PIK3R3: variants seen among roughly 807,000 people sequenced by gnomAD.
The protein encoded by PIK3R3 is phosphatidylinositol 3-kinase regulatory subunit gamma.
PIK3R3 carries 64 observed loss-of-function variants against 62.9 expected under a neutral mutation model. The ratio of observed to expected loss-of-function variants is 1.02; its 90% CI spans 0.83 to 1.25. The LOEUF (loss-of-function observed/expected upper bound fraction) is 1.25. PIK3R3 is among the 50% of genes most tolerant of loss of function. The pLI is 0.00. For missense variants in PIK3R3, 614 were observed against 561.6 expected, an observed-to-expected ratio of 1.09 and a Z score of -0.94; for synonymous variants, 165 against 189.0, an observed-to-expected ratio of 0.87 and a Z score of 1.04.
chr1:46,150,770 A>C, the PIK3R3 span, among the ~76,000 whole-genome samples: 1 of 147,534 alleles, frequency 6.8e-6, no homozygotes, highest in Non-Finnish European at 1.5e-5. Context: ...AAACATCTAG[A>C]TACTCTATTC....
rs1390559607 is a variant in PIK3R3, at chr1:46,040,318, T to A, written c.*3355A>T. 1 of 231,918 alleles carries A rather than the reference T, an allele frequency of 4.3e-6. No homozygotes were observed. Among genetic ancestry groups the A allele is most frequent in the Admixed American group, 5.6e-5 (1 of 17,736 alleles). 14.4% of individuals were successfully genotyped at this position (231,918 alleles called of 1,614,324 possible). ...CTGGTGACAAGAACAATTTGTAAAG[T>A]GGTCTAGCAACTACATTATGAACTG... On this transcript the variant is annotated 3_prime_UTR_variant, in exon 10 of 10. Transcript: ENST00000262741.
chr1:46,094,285 C>A (rs369471331), intron 1 of PIK3R3, among the ~76,000 whole-genome samples: 1 of 151,802 alleles, frequency 6.6e-6, no homozygotes, highest in African/African-American at 2.4e-5. Flanking sequence ...CTAAAATTCA[C>A]AAATCTATTT....
intron 1 of PIK3R3, among the ~76,000 whole-genome samples, chr1:46,113,222 T>C (rs1653889304): frequency 6.6e-6 from 1 of 151,978 alleles, no homozygotes; most frequent in African/African-American, 2.4e-5. Flanking sequence ...CCCCTAAATA[T>C]AGCCTTCGGG....
chr1:46,081,342 A>G (rs1461949871), intron 1 of PIK3R3, among the ~76,000 whole-genome samples: 4 of 152,186 alleles, frequency 2.6e-5, no homozygotes, highest in Non-Finnish European at 4.4e-5. Context: ...GTCCCGAGAC[A>G]GAGATTCCCT....
chr1:46,123,472 A>G (rs1423840896), intron 1 of PIK3R3, among the ~76,000 whole-genome samples: 1 of 152,242 alleles, frequency 6.6e-6, no homozygotes, highest in Non-Finnish European at 1.5e-5. Flanking sequence ...AAGACTATGT[A>G]TACCAAGTTT....
At chr1:46,171,728 G>A in the PIK3R3 span, among the ~76,000 whole-genome samples, 3 of 152,074 alleles carry the variant, frequency 2.0e-5, no homozygotes, top group African/African-American at 7.2e-5. Context: ...TGGGGTCTGG[G>A]GAACCTATTT....
At chr1:46,099,432 C>CT (rs999575083) in intron 1 of PIK3R3, among the ~76,000 whole-genome samples, 11 of 152,166 alleles carry the variant, frequency 7.2e-5, no homozygotes, top group Admixed American at 1.3e-4. Context: ...TCCACCACTG[C>CT]TTTTTACCCC....
At chr1:46,137,137 C>T (rs978812889), upstream of PIK3R3, among the ~76,000 whole-genome samples, 5 of 152,160 alleles carry the variant, frequency 3.3e-5, no homozygotes, top group Admixed American at 6.5e-5. Flanking sequence ...AGGATTAGAG[C>T]CCCATGTCCT....
At chr1:46,080,267 G>A (rs1650456542) in intron 2 of PIK3R3, among the ~76,000 whole-genome samples, 1 of 151,466 alleles carries the variant, frequency 6.6e-6, no homozygotes, top group African/African-American at 2.4e-5. Flanking sequence ...TCACTGTGTT[G>A]CCCAGGCTGG....
chr1:46,138,075 C>T, the PIK3R3 span, among the ~76,000 whole-genome samples: 2 of 152,152 alleles, frequency 1.3e-5, no homozygotes, highest in African/African-American at 4.8e-5. Flanking sequence ...TGCAAAATTC[C>T]AAGCAGTTTG....
chr1:46,083,667 G>T (rs745749651), intron 1 of PIK3R3, among the ~76,000 whole-genome samples: 1 of 152,108 alleles, frequency 6.6e-6, no homozygotes, highest in African/African-American at 2.4e-5. Flanking sequence ...TGGCCAATAA[G>T]CACATGAAAA....
chr1:46,124,796 CAAAAAA>C (rs55985922), intron 1 of PIK3R3, among the ~76,000 whole-genome samples: 3 of 108,368 alleles, frequency 2.8e-5, no homozygotes, highest in Admixed American at 1.0e-4. Flanking sequence ...AACTCTTTTT[CAAAAAA>C]AAAAAAAAAA....
chr1:46,051,367 T>C (rs1378056266), intron 7 of PIK3R3, among the ~76,000 whole-genome samples: 1 of 152,010 alleles, frequency 6.6e-6, no homozygotes, highest in African/African-American at 2.4e-5. Flanking sequence ...TTCAAGCAAT[T>C]CTCCTGCCTC....
At chr1:46,091,067 T>C (rs944241714) in intron 1 of PIK3R3, among the ~76,000 whole-genome samples, 7 of 151,978 alleles carry the variant, frequency 4.6e-5, no homozygotes, top group Admixed American at 1.3e-4. Flanking sequence ...TGGGTTCAAG[T>C]CATCTTCTCG....
intron 1 of PIK3R3, among the ~76,000 whole-genome samples, chr1:46,108,498 G>C (rs759247592): frequency 1.3e-5 from 2 of 152,152 alleles, no homozygotes; most frequent in African/African-American, 4.8e-5. Flanking sequence ...TTACTATCCT[G>C]TTGGTAATTC....
At chr1:46,050,966 T>C (rs1200784700) in intron 7 of PIK3R3, among the ~76,000 whole-genome samples, 1 of 152,214 alleles carries the variant, frequency 6.6e-6, no homozygotes, top group African/African-American at 2.4e-5. Flanking sequence ...TTTTACATTA[T>C]TTTCATTCAT....
chr1:46,050,615 C>G (rs1647271179), intron 7 of PIK3R3, among the ~76,000 whole-genome samples: 1 of 152,086 alleles, frequency 6.6e-6, no homozygotes. Context: ...TTTAAGAAAC[C>G]CCAATTATCA....
At chr1:46,092,275 A>T (rs1310829325) in intron 1 of PIK3R3, among the ~76,000 whole-genome samples, 2 of 152,326 alleles carry the variant, frequency 1.3e-5, no homozygotes, top group African/African-American at 4.8e-5. Context: ...ATGTTTTTTT[A>T]AAAAAGGCAA....
In PIK3R3 at chr1:46,046,461, A is replaced by C. The variant is rs1246438031; in HGVS notation, c.1016+90T>G. On this transcript the variant is annotated intron_variant, in intron 8 of 9. Transcript: ENST00000262741. ...CTAGATTCAATGTCCTCAAGTGACA[A>C]TGACAACCAATATTTACCACGTATA... is the stretch of plus-strand genomic sequence containing the variant. The C allele has an allele frequency of 3.4e-6, 3 of 880,902 alleles. No individual in the cohort carries two copies. The African/African-American group carries it at 5.0e-5, about 15-fold the overall frequency. The allele number at this position is 880,902 out of a possible 1,614,324, so 54.6% of individuals were successfully genotyped here.
Sources: allele counts gnomAD v4.1 joint callset (sites outside exome capture counted in the v4.1 genomes callset), GRCh38; gene constraint gnomAD v4.1.1; transcripts MANE v1.5; gene names NCBI Gene and HGNC (gene_info 2026-07-23, HGNC 2026-07-21).